Variants in TNRC6A observed in about 807,000 individuals in gnomAD.
TNRC6A encodes the protein trinucleotide repeat-containing gene 6A protein.
In TNRC6A, 44 loss-of-function variants were observed where a neutral mutation model predicts 221.2. The observed-to-expected ratio is 0.20, with a 90% CI of 0.16 to 0.26. The LOEUF (loss-of-function observed/expected upper bound fraction) is 0.26, where lower values mean the gene tolerates loss of function less well. Among genes scored for constraint, TNRC6A ranks in the 10% least tolerant of loss-of-function variants. The pLI, the probability that TNRC6A is intolerant of heterozygous loss-of-function variation, is 1.00. For missense variants in TNRC6A, 2,199 were observed against 2,404.4 expected (o/e 0.91, Z 1.79); for synonymous variants, 847 against 838.5 (o/e 1.01, Z -0.18).
chr16:24,805,100 A>T lies in TNRC6A; in HGVS notation c.4071A>T (p.Ser1357=). 1 of 1,614,152 alleles carries T rather than the reference A, an allele frequency of 6.2e-7. No individual in the cohort carries two copies. The highest frequency in any genetic ancestry group is 1.1e-5 in the South Asian group (1 of 91,084). Residue 1357 remains serine (S), a synonymous_variant, in exon 14 of 25, where the codon TCA becomes TCT. Coordinates refer to ENST00000395799, the MANE Select transcript of TNRC6A (RefSeq NM_014494.4). ...AGCCTCCAGCACAACCTCTTAGTTCATCTCAGCCTAATCTCCGTGCTCAAG... is the reference window on the plus strand; with the variant it reads ...AGCCTCCAGCACAACCTCTTAGTTCTTCTCAGCCTAATCTCCGTGCTCAAG... The part of the protein sequence containing the change: ...MQQPPAQPLS[S]SQPNLRAQVP...
chr16:24,650,643 C>A (rs1464784260), intron 2 of TNRC6A, among the ~76,000 whole-genome samples: 5 of 147,190 alleles, frequency 3.4e-5, no homozygotes, highest in African/African-American at 1.3e-4. Flanking sequence ...TGAGCCTGGG[C>A]GATAGAGTGA....
chr16:24,762,843 A>G (rs941119948), intron 4 of TNRC6A, among the ~76,000 whole-genome samples: 1 of 152,244 alleles, frequency 6.6e-6, no homozygotes, highest in African/African-American at 2.4e-5. Context: ...GTTACATGGA[A>G]GACAAGATGT....
At chr16:24,718,083 A>T (rs912036855) in intron 2 of TNRC6A, among the ~76,000 whole-genome samples, 6 of 152,032 alleles carry the variant, frequency 3.9e-5, no homozygotes, top group Non-Finnish European at 8.8e-5. Flanking sequence ...CTGCCTGTTC[A>T]TTCTTCGTAT....
chr16:24,728,317 C>T (rs118062578), upstream of TNRC6A, among the ~76,000 whole-genome samples: 16 of 152,166 alleles, frequency 1.1e-4, no homozygotes, highest in East Asian at 3.1e-3. Context: ...CGCAGTGGTG[C>T]GTGTCTGTAA....
In TNRC6A at chr16:24,683,714, C is replaced by A. The variant is rs541119311; in HGVS notation, n.402+42705C>A. 2.6e-5 allele frequency among the ~76,000 whole-genome samples: 4 copies of A among 152,336 alleles called. No homozygotes were observed. In the East Asian group the frequency reaches 5.8e-4, roughly 22 times the overall value. ...GCAACCTTGGGCAATTTCCTTAGCT[C>A]TTCTCGCTGTCCTCAGTTTCCTCAT... On this transcript the variant is annotated intron_variant and non_coding_transcript_variant, in intron 2 of 2. Coordinates refer to the TNRC6A transcript ENST00000566108.
intron 1 of TNRC6A, among the ~76,000 whole-genome samples, chr16:24,625,307 G>T (rs1900901025): frequency 6.6e-6 from 1 of 152,142 alleles, no homozygotes; most frequent in Non-Finnish European, 1.5e-5. Flanking sequence ...ATCAATTATT[G>T]AGCATATTTT....
chr16:24,639,578 T>C (rs1350064512), intron 1 of TNRC6A, among the ~76,000 whole-genome samples: 2 of 152,226 alleles, frequency 1.3e-5, no homozygotes, highest in Non-Finnish European at 2.9e-5. Flanking sequence ...TGATTTCTGC[T>C]TTCAATCTTT....
Position 24,804,718 on chromosome 16 carries a change from C to T in TNRC6A, c.3851C>T (p.Ala1284Val), listed in dbSNP as rs2058395393. The change falls in exon 13 of 25, where the codon GCA becomes GTA. Residue 1284 changes from alanine to valine, a missense_variant. Ala to Val is a moderately conservative substitution (Grantham distance 64, BLOSUM62 0). This residue lies in a region of TNRC6A where 158 missense variants were observed against 159.1 expected (regional missense o/e 0.99). Transcript: ENST00000395799. ...NPYFDKDGIV[A>V]DESQNMQFMS... ...CTGTCCAATCAGGATGGCATTGTAG[C>T]AGATGAATCCCAAAACATGCAGTTT... The T allele has an allele frequency of 1.3e-6, 2 of 1,593,038 alleles. No homozygotes were observed. Among genetic ancestry groups the T allele is most frequent in the Non-Finnish European group, 1.7e-6 (2 of 1,174,822 alleles).
intron 2 of TNRC6A, among the ~76,000 whole-genome samples, chr16:24,747,327 C>T (rs1357264756): frequency 6.6e-6 from 1 of 152,172 alleles, no homozygotes; most frequent in Non-Finnish European, 1.5e-5. Flanking sequence ...AGCCTTTATA[C>T]ATGAGATGCA....
Position 24,797,861 on chromosome 16 carries a change from T to G in TNRC6A, c.3643-54T>G, listed in dbSNP as rs1479935310. 9.5e-6 allele frequency: 14 copies of G among 1,478,500 alleles called. No individual in the cohort carries two copies. The East Asian group carries it at 3.0e-4, about 32-fold the overall frequency. 91.6% of individuals were successfully genotyped at this position (1,478,500 alleles called of 1,614,324 possible). ...CACAGTAAAATTCTTCATTTTTTAT[T>G]TGTTTTCATTGATAAATTAAGGTCT... is the stretch of plus-strand genomic sequence containing the variant. On this transcript the variant is annotated intron_variant, in intron 10 of 24. Coordinates refer to ENST00000395799, the MANE Select transcript of TNRC6A (RefSeq NM_014494.4).
chr16:24,624,960 G>A (rs546777847), intron 1 of TNRC6A, among the ~76,000 whole-genome samples: 140 of 152,276 alleles, frequency 9.2e-4, no homozygotes, highest in African/African-American at 3.2e-3. Flanking sequence ...GCTCTCCCAG[G>A]GGAAGGTGCT....
At position 24,806,269 on chromosome 16, in the gene TNRC6A, C is replaced by G; in HGVS notation, c.4315C>G (p.Gln1439Glu). The G allele has an allele frequency of 6.2e-7, 1 of 1,614,160 alleles. No individual in the cohort carries two copies. The highest frequency in any genetic ancestry group is 8.5e-7 in the Non-Finnish European group (1 of 1,180,040). ...QRSVPSGNRP[Q>E]QDQQGRPLSV... ...AAGCGTGCCTTCTGGGAACCGGCCG[C>G]AGCAAGACCAGCAGGTAGAGCCCGC... The change falls in exon 16 of 25, where the codon CAG becomes GAG. Residue 1439 changes from glutamine to glutamate, a missense_variant. Around this residue, in one of 8 missense-constraint regions of TNRC6A, gnomAD observed 449 missense variants for 579.7 expected, o/e 0.77. Coordinates refer to ENST00000395799, the MANE Select transcript of TNRC6A (RefSeq NM_014494.4).
chr16:24,621,718 T>TC (rs1900686231), intron 1 of TNRC6A, among the ~76,000 whole-genome samples: 1 of 152,154 alleles, frequency 6.6e-6, no homozygotes, highest in Admixed American at 6.5e-5. Flanking sequence ...GTGCATTTTT[T>TC]CCTGTTACTA....
At position 24,795,999 on chromosome 16, in the gene TNRC6A, AC is replaced by A; in HGVS notation, c.3561+61del. On this transcript the variant is annotated intron_variant, in intron 9 of 24. Coordinates refer to ENST00000395799, the MANE Select transcript of TNRC6A (RefSeq NM_014494.4). ...TACTAGTAAAAATCTTTAGAAAGCA[AC>A]TGCAAACATTTATTTAGCCTCTGCT... 1.9e-6 allele frequency: 3 copies of A among 1,570,476 alleles called. No homozygotes were observed. The Middle Eastern group carries it at 5.0e-4, about 263-fold the overall frequency.
At chr16:24,809,314 T>C (rs1472440050) in intron 17 of TNRC6A, 36 bp from the exon 18 acceptor site, 1 of 1,467,762 alleles carries the variant, frequency 6.8e-7, no homozygotes, top group African/African-American at 1.4e-5. Context: ...ATGTGCTGTA[T>C]TTTCTAAGGT....
intron 2 of TNRC6A, among the ~76,000 whole-genome samples, chr16:24,686,448 G>T (rs1252732404): frequency 6.6e-6 from 1 of 152,052 alleles, no homozygotes; most frequent in Non-Finnish European, 1.5e-5. Context: ...TCTTGAGGCT[G>T]CAGAAACAGA....
chr16:24,794,417 A>G, intron 7 of TNRC6A, 127 bp from the exon 8 acceptor site: 1 of 852,722 alleles, frequency 1.2e-6, no homozygotes, highest in Non-Finnish European at 1.7e-6. Flanking sequence ...CAGATGCAGG[A>G]AGGGAAATAA....
At chr16:24,799,038 C>T (rs571491393) in intron 11 of TNRC6A, among the ~76,000 whole-genome samples, 3 of 152,250 alleles carry the variant, frequency 2.0e-5, no homozygotes, top group South Asian at 2.1e-4. Flanking sequence ...GGGAGGCACT[C>T]GCTACGGAGC....
At chr16:24,624,782 C>G (rs1226443276) in intron 1 of TNRC6A, among the ~76,000 whole-genome samples, 2 of 152,238 alleles carry the variant, frequency 1.3e-5, no homozygotes, top group Non-Finnish European at 2.9e-5. Context: ...CTGCACTCAG[C>G]AAAGGACAGT....
Sources: gnomAD v4.1 joint callset for allele counts (sites outside exome capture counted in the v4.1 genomes callset) on GRCh38, gnomAD v4.1.1 for gene constraint, gnomAD v4.1.1 regional missense constraint, MANE v1.5 for transcripts, NCBI Gene and HGNC (gene_info 2026-07-23, HGNC 2026-07-21) for gene names.